Variants in KANK1 observed in about 807,000 individuals in gnomAD.
KANK1 encodes KN motif and ankyrin repeat domain-containing protein 1.
KANK1 carries 109 observed loss-of-function variants against 106.2 expected under a neutral mutation model. The ratio of observed to expected loss-of-function variants is 1.03; its 90% confidence interval spans 0.88 to 1.20. KANK1 has a LOEUF of 1.20. Among genes scored for constraint, KANK1 ranks in the 50% most tolerant of loss-of-function variants. KANK1 has a pLI of 0.00. For synonymous variants in KANK1, 873 were observed against 652.2 expected, an observed-to-expected ratio of 1.34 and a Z score of -5.16; for missense variants, 2,399 against 1,710.7, an observed-to-expected ratio of 1.40 and a Z score of -7.10.
intron 3 of KANK1, among the ~76,000 whole-genome samples, chr9:721,432 A>G (rs1443110712): frequency 1.3e-5 from 2 of 152,242 alleles, no homozygotes; most frequent in African/African-American, 4.8e-5. Flanking sequence ...AGGGGGGGCC[A>G]TATGGCAAAT....
At chr9:624,785 C>G (rs780099710) in intron 1 of KANK1, among the ~76,000 whole-genome samples, 1 of 151,950 alleles carries the variant, frequency 6.6e-6, no homozygotes, top group African/African-American at 2.4e-5. Context: ...GGTGACAGAG[C>G]GAGACTCTGT....
At chr9:702,435 C>T (rs1029751276) in intron 2 of KANK1, among the ~76,000 whole-genome samples, 1 of 152,196 alleles carries the variant, frequency 6.6e-6, no homozygotes, top group East Asian at 1.9e-4. Flanking sequence ...CCATTTTGTT[C>T]GGTGCCCCCA....
chr9:737,936 T>C (rs1722859506), intron 7 of KANK1, among the ~76,000 whole-genome samples: 1 of 152,206 alleles, frequency 6.6e-6, no homozygotes, highest in Non-Finnish European at 1.5e-5. Context: ...CATGGTATTA[T>C]CCAGTTTTTC....
intron 1 of KANK1, among the ~76,000 whole-genome samples, chr9:652,090 A>G (rs1423157131): frequency 2.0e-5 from 3 of 152,140 alleles, no homozygotes; most frequent in East Asian, 3.8e-4. Context: ...ATCCATTAGA[A>G]TGTGTAGGCC....
chr9:681,216 C>T (rs1021921445), intron 2 of KANK1, among the ~76,000 whole-genome samples: 4 of 152,128 alleles, frequency 2.6e-5, no homozygotes, highest in African/African-American at 9.7e-5. Context: ...CAGACCCTAT[C>T]TCTAAAGCAA....
Position 523,805 on chromosome 9 carries a change from C to T in KANK1, c.-84+19051C>T, listed in dbSNP as rs1378110961. On this transcript the variant is annotated intron_variant, in intron 1 of 11. Coordinates refer to ENST00000382297, the MANE Select transcript of KANK1 (RefSeq NM_015158.5). ...CTGGCACTCCAGGTCTCTCTTAATC[C>T]GCTTGGCCTCTTCTTTTTTTTTTCC... Among the ~76,000 whole-genome samples, 5 of 136,016 alleles carry T rather than the reference C, an allele frequency of 3.7e-5. 1 individual carries two copies. Among genetic ancestry groups the T allele is most frequent in the East Asian group, 2.1e-4 (1 of 4,872 alleles). 89.2% of individuals were successfully genotyped at this position (136,016 alleles called of 152,430 possible). A position where few individuals can be genotyped will look rare whatever the true frequency, so the allele number is the denominator to read the frequency against.
chr9:654,437 G>T (rs1841626129), intron 1 of KANK1, among the ~76,000 whole-genome samples: 1 of 152,186 alleles, frequency 6.6e-6, no homozygotes. Flanking sequence ...TATATTACCA[G>T]ATCTGGAGGA....
At chr9:699,650 A>G (rs1047019269) in intron 2 of KANK1, among the ~76,000 whole-genome samples, 1 of 152,210 alleles carries the variant, frequency 6.6e-6, no homozygotes, top group Admixed American at 6.5e-5. Flanking sequence ...CAAGCCTGTA[A>G]AATTGCAGTT....
Position 713,418 on chromosome 9 carries a change from G to C in KANK1, c.2652G>C (p.Glu884Asp). 1 of 1,609,320 alleles carries C rather than the reference G, an allele frequency of 6.2e-7. No homozygotes were observed. The highest frequency in any genetic ancestry group is 8.5e-7 in the Non-Finnish European group (1 of 1,178,348). ...TCATGAAATCTGCAAGCACTGAAGA[G>C]CTGAGGAACCCTGACTTCCAGAAAA... ...NSVMKSASTE[E>D]LRNPDFQKTS... The change falls in exon 3 of 12, where the codon GAG (glutamate) becomes GAC (aspartate). Residue 884 changes from glutamate to aspartate, a missense_variant. Glu to Asp is a conservative substitution (Grantham distance 45). Coordinates refer to ENST00000382297, the MANE Select transcript of KANK1 (RefSeq NM_015158.5).
chr9:742,313 A>T lies in KANK1; in HGVS notation c.3805A>T (p.Thr1269Ser). 6.2e-7 allele frequency: 1 copy of T among 1,613,982 alleles called. No homozygotes were observed. Among genetic ancestry groups the T allele is most frequent in the Non-Finnish European group, 8.5e-7 (1 of 1,179,856 alleles). Reference sequence around the variant, plus strand: ...CAACATCCAGGATGACGAGGGCTCCACGGCCCTCATGTGTGCCAGCGAGCA... The same window carrying T: ...CAACATCCAGGATGACGAGGGCTCCTCGGCCCTCATGTGTGCCAGCGAGCA... ...DVNIQDDEGS[T>S]ALMCASEHGH... is the part of the protein sequence containing the mutation. Residue 1269 changes from threonine (T) to serine (S), a missense_variant, in exon 10 of 12, where the codon ACG becomes TCG. By Grantham distance (58) the Thr-to-Ser change is moderately conservative. Transcript: ENST00000382297.
chr9:738,299 C>T lies in KANK1; in HGVS notation c.3348C>T (p.Asn1116=), dbSNP rs114169235. The change falls in exon 8 of 12, where the codon AAC becomes AAT. Residue 1116 remains asparagine, a synonymous_variant. Transcript: ENST00000382297. The stretch of plus-strand genomic sequence containing the variant: ...TGTTTTGGCAGAGGTTCTGTCTGAA[C>T]ACCCTCCAGCACGAGTGGTTCCGCG... The part of the protein sequence containing the change: ...LTSKDMRFCL[N]TLQHEWFRVS... 3.7e-6 allele frequency: 6 copies of T among 1,612,688 alleles called. No individual in the cohort carries two copies. The highest frequency in any genetic ancestry group is 1.3e-5 in the African/African-American group (1 of 75,022).
intron 3 of KANK1, among the ~76,000 whole-genome samples, chr9:474,133 A>T (rs1587174123): frequency 6.6e-6 from 1 of 152,180 alleles, no homozygotes; most frequent in African/African-American, 2.4e-5. Context: ...CCTGAGTGTC[A>T]TCAGTGGGTG....
chr9:610,430 T>C (rs146047960), intron 1 of KANK1, among the ~76,000 whole-genome samples: 29 of 152,254 alleles, frequency 1.9e-4, no homozygotes, highest in African/African-American at 6.5e-4. Context: ...TGGTGTACTA[T>C]ATGGGTGAAA....
intron 1 of KANK1, among the ~76,000 whole-genome samples, chr9:589,704 A>T (rs937936008): frequency 6.6e-5 from 10 of 152,174 alleles, no homozygotes; most frequent in African/African-American, 2.4e-4. Context: ...AGAAAGGAAC[A>T]TTAAGAGGGC....
rs527390601 is a variant in KANK1, at chr9:675,172, T to A, written c.-83-1718T>A. On this transcript the variant is annotated intron_variant, in intron 1 of 11. Coordinates refer to ENST00000382297, the MANE Select transcript of KANK1 (RefSeq NM_015158.5). ...TACATATTTTTAATAAAATTAGGTTTAGGATAGTATACAGTTTTGTTTTTC... is the reference window on the plus strand; with the variant it reads ...TACATATTTTTAATAAAATTAGGTTAAGGATAGTATACAGTTTTGTTTTTC... Among the ~76,000 whole-genome samples the A allele has an allele frequency of 7.2e-5, 11 of 152,324 alleles. No homozygotes were observed. The East Asian group carries it at 7.7e-4, about 11-fold the overall frequency.
chr9:591,255 A>G (rs911700592), intron 1 of KANK1, among the ~76,000 whole-genome samples: 3 of 151,908 alleles, frequency 2.0e-5, no homozygotes, highest in Non-Finnish European at 2.9e-5. Context: ...TTAAATGTAT[A>G]TAAATATTTA....
chr9:482,353 T>C (rs1298303730), intron 3 of KANK1, among the ~76,000 whole-genome samples: 1 of 152,184 alleles, frequency 6.6e-6, no homozygotes, highest in Non-Finnish European at 1.5e-5. Context: ...TTGTCTTTAT[T>C]ATGTGGTGTA....
At chr9:571,343 G>T (rs1238704293) in intron 1 of KANK1, among the ~76,000 whole-genome samples, 1 of 152,218 alleles carries the variant, frequency 6.6e-6, no homozygotes, top group African/African-American at 2.4e-5. Context: ...AAGTTACAGA[G>T]TGTTCCTTTG....
intron 1 of KANK1, among the ~76,000 whole-genome samples, chr9:508,954 A>G (rs1294232930): frequency 6.6e-6 from 1 of 152,200 alleles, no homozygotes; most frequent in Non-Finnish European, 1.5e-5. Flanking sequence ...ACTAGGATTC[A>G]GTTTAGAGGT....
Sources: gnomAD v4.1 joint callset for allele counts (sites outside exome capture counted in the v4.1 genomes callset) on GRCh38, gnomAD v4.1.1 for gene constraint, MANE v1.5 for transcripts, NCBI Gene and HGNC (gene_info 2026-07-23, HGNC 2026-07-21) for gene names.